Variants in LSAMP observed in about 807,000 individuals in gnomAD.
The protein encoded by LSAMP is limbic system-associated membrane protein.
A neutral mutation model predicts 38.6 loss-of-function variants in LSAMP; 7 were observed. The ratio of observed to expected loss-of-function variants is 0.18; its 90% CI spans 0.10 to 0.34. The LOEUF is 0.34. Among genes scored for constraint, LSAMP ranks in the 10% least tolerant of loss-of-function variants. LSAMP has a pLI of 1.00. For synonymous variants in LSAMP, 154 were observed against 166.8 expected, an observed-to-expected ratio of 0.92 and a Z score of 0.59; for missense variants, 313 against 420.0, an observed-to-expected ratio of 0.75 and a Z score of 2.23.
chr3:115,829,493 A>G (rs1934539478), intron 6 of LSAMP, among the ~76,000 whole-genome samples: 1 of 152,230 alleles, frequency 6.6e-6, no homozygotes, highest in South Asian at 2.1e-4. Context: ...TTGTAGTAAC[A>G]AAGTCCTTGT....
chr3:116,194,597 C>T (rs1710837311), intron 1 of LSAMP, among the ~76,000 whole-genome samples: 1 of 152,102 alleles, frequency 6.6e-6, no homozygotes, highest in Non-Finnish European at 1.5e-5. Flanking sequence ...GGGGTTTCAC[C>T]GTGTTAGCCA....
chr3:116,259,732 G>A (rs1385997741), intron 1 of LSAMP, among the ~76,000 whole-genome samples: 1 of 151,962 alleles, frequency 6.6e-6, no homozygotes, highest in Non-Finnish European at 1.5e-5. Context: ...TCTCCTATTG[G>A]TTGAGTGTAC....
chr3:116,393,809 G>A (rs1244214964), intron 1 of LSAMP, among the ~76,000 whole-genome samples: 1 of 152,216 alleles, frequency 6.6e-6, no homozygotes, highest in Non-Finnish European at 1.5e-5. Flanking sequence ...ATATAATGTT[G>A]TGATGAACTG....
intron 3 of LSAMP, among the ~76,000 whole-genome samples, chr3:115,951,030 G>GTTCAACAGTAGGAAAGGAC (rs1938271422): frequency 6.6e-6 from 1 of 151,964 alleles, no homozygotes; most frequent in Non-Finnish European, 1.5e-5. Flanking sequence ...TAGGAAAGGA[G>GTTCAACAGTAGGAAAGGAC]ATCCTGTTCA....
In LSAMP at chr3:116,264,846, A is replaced by G. The variant is rs141387313; in HGVS notation, c.156-178290T>C. Among the ~76,000 whole-genome samples, 4 of 152,220 alleles carry G rather than the reference A, an allele frequency of 2.6e-5. No homozygotes were observed. In the East Asian group the frequency reaches 7.7e-4, roughly 29 times the overall value. On this transcript the variant is annotated intron_variant, in intron 1 of 6. Coordinates refer to ENST00000490035, the MANE Select transcript of LSAMP (RefSeq NM_002338.5). ...GGTCTCAAAAAACTGAGTTTAAACA[A>G]TCCTCCCACCTTGGCCTCCCAAGTG...
At chr3:115,975,151 G>T (rs1939144997) in intron 3 of LSAMP, among the ~76,000 whole-genome samples, 1 of 152,056 alleles carries the variant, frequency 6.6e-6, no homozygotes, top group Non-Finnish European at 1.5e-5. Context: ...TGAGCACAGT[G>T]ACTCACTCCT....
chr3:115,945,049 C>G (rs113322767), intron 3 of LSAMP, among the ~76,000 whole-genome samples: 181 of 152,228 alleles, frequency 1.2e-3, no homozygotes, highest in Non-Finnish European at 2.1e-3. Context: ...ATCCCTCTAA[C>G]CAGATATGGA....
At chr3:115,853,400 GTTA>G (rs1935394292) in intron 3 of LSAMP, among the ~76,000 whole-genome samples, 1 of 152,218 alleles carries the variant, frequency 6.6e-6, no homozygotes, top group Non-Finnish European at 1.5e-5. Flanking sequence ...GGGGTAGGGA[GTTA>G]AATATTATTG....
intron 1 of LSAMP, among the ~76,000 whole-genome samples, chr3:116,221,632 C>A (rs1399090766): frequency 1.3e-5 from 2 of 152,148 alleles, no homozygotes; most frequent in African/African-American, 2.4e-5. Flanking sequence ...AAGGCAGAAC[C>A]TTCATGAACA....
At chr3:116,035,917 A>G (rs1339524349) in intron 2 of LSAMP, among the ~76,000 whole-genome samples, 1 of 152,206 alleles carries the variant, frequency 6.6e-6, no homozygotes, top group Non-Finnish European at 1.5e-5. Context: ...TGTAGCCAAG[A>G]AAATGTTGGG....
At chr3:115,995,972 C>A (rs1939804656) in intron 3 of LSAMP, among the ~76,000 whole-genome samples, 1 of 151,832 alleles carries the variant, frequency 6.6e-6, no homozygotes, top group Admixed American at 6.6e-5. Flanking sequence ...GAATGGATAC[C>A]TGAGATTAAT....
In LSAMP at chr3:116,203,354, AT is replaced by A. The variant is rs552426918; in HGVS notation, c.156-116799del. 4.4e-3 allele frequency among the ~76,000 whole-genome samples: 662 copies of A among 151,060 alleles called. 7 individuals carry two copies. The highest frequency in any genetic ancestry group is 0.015 in the African/African-American group (623 of 41,306). On this transcript the variant is annotated intron_variant, in intron 1 of 6. Transcript: ENST00000490035. ...GAATTTGATTAAATGTCTTTTCTCA[AT>A]TTTTTATACGTACATTTTCTCAAAT...
At chr3:115,969,718 C>A (rs776355565) in intron 3 of LSAMP, among the ~76,000 whole-genome samples, 2 of 152,142 alleles carry the variant, frequency 1.3e-5, no homozygotes, top group Non-Finnish European at 2.9e-5. Flanking sequence ...TCCTCAACAA[C>A]TAGTGAGCTA....
chr3:116,337,471 T>G (rs577385576), intron 1 of LSAMP, among the ~76,000 whole-genome samples: 7 of 152,160 alleles, frequency 4.6e-5, no homozygotes, highest in African/African-American at 1.7e-4. Context: ...CAAGCAATTT[T>G]ACTGGGTTGA....
intron 1 of LSAMP, among the ~76,000 whole-genome samples, chr3:116,406,370 C>T (rs1211133427): frequency 2.6e-5 from 4 of 151,958 alleles, no homozygotes; most frequent in Non-Finnish European, 2.9e-5. Flanking sequence ...CAATAAGCAG[C>T]GTTAAAGCTT....
intron 6 of LSAMP, among the ~76,000 whole-genome samples, chr3:115,824,214 G>C (rs1303813572): frequency 6.6e-6 from 1 of 152,200 alleles, no homozygotes; most frequent in African/African-American, 2.4e-5. Flanking sequence ...ATAAATCCCA[G>C]AAGTAAATTT....
chr3:116,366,545 C>A (rs1054557512), intron 1 of LSAMP, among the ~76,000 whole-genome samples: 1 of 152,126 alleles, frequency 6.6e-6, no homozygotes, highest in African/African-American at 2.4e-5. Flanking sequence ...GATATATTTA[C>A]ATGAATGAAT....
intron 1 of LSAMP, among the ~76,000 whole-genome samples, chr3:116,249,036 C>T (rs534732761): frequency 6.6e-6 from 1 of 151,574 alleles, no homozygotes; most frequent in Non-Finnish European, 1.5e-5. Context: ...GTAGTCCCAG[C>T]TACTCGGGTG....
At chr3:116,319,349 C>G (rs1189162747) in intron 1 of LSAMP, among the ~76,000 whole-genome samples, 1 of 152,124 alleles carries the variant, frequency 6.6e-6, no homozygotes, top group African/African-American at 2.4e-5. Flanking sequence ...TCAGGCATCA[C>G]CCCAGATTCC....
Sources: allele counts gnomAD v4.1 joint callset (sites outside exome capture counted in the v4.1 genomes callset), GRCh38; gene constraint gnomAD v4.1.1; transcripts MANE v1.5; gene names NCBI Gene and HGNC (gene_info 2026-07-23, HGNC 2026-07-21).